FRAS1: variants seen among roughly 807,000 people sequenced by gnomAD.
FRAS1 encodes the protein extracellular matrix organizing protein FRAS1.
A neutral mutation model predicts 435.2 loss-of-function variants in FRAS1; 290 were observed. The observed-to-expected ratio is 0.67, with a 90% CI of 0.61 to 0.73. The LOEUF is 0.73. FRAS1 is among the 30% of genes least tolerant of loss of function. The probability of loss-of-function intolerance (pLI) is 0.00; values close to 1 mark genes in which losing one functional copy is unlikely to be tolerated. For synonymous variants in FRAS1, 1,800 were observed against 1,851.0 expected (o/e 0.97, Z 0.71); for missense variants, 4,860 against 5,001.5 (o/e 0.97, Z 0.85).
chr4:78,269,590 T>C (rs1454126512), intron 9 of FRAS1, among the ~76,000 whole-genome samples: 2 of 152,340 alleles, frequency 1.3e-5, no homozygotes, highest in East Asian at 3.9e-4. Flanking sequence ...ATGTTCTGAA[T>C]AGCATTAAAA....
At chr4:78,128,927 T>C (rs1719529477) in intron 2 of FRAS1, among the ~76,000 whole-genome samples, 2 of 152,212 alleles carry the variant, frequency 1.3e-5, no homozygotes, top group South Asian at 4.1e-4. Context: ...GAATTAATTT[T>C]TGTATAAGGT....
intron 19 of FRAS1, among the ~76,000 whole-genome samples, chr4:78,334,883 C>A (rs1173498350): frequency 6.6e-6 from 1 of 151,948 alleles, no homozygotes; most frequent in East Asian, 1.9e-4. Flanking sequence ...CTTAGCCTCT[C>A]AAGTAGCTGG....
chr4:78,067,712 T>TTATTATTA (rs1740115400), intron 2 of FRAS1, among the ~76,000 whole-genome samples: 1 of 137,904 alleles, frequency 7.3e-6, no homozygotes, highest in East Asian at 2.1e-4. Context: ...ATTATTATTA[T>TTATTATTA]TTGTAAGATA....
At chr4:78,417,102 T>C (rs1397994321) in intron 32 of FRAS1, among the ~76,000 whole-genome samples, 4 of 152,232 alleles carry the variant, frequency 2.6e-5, no homozygotes, top group Non-Finnish European at 5.9e-5. Flanking sequence ...AATATTAAAA[T>C]TGATTATACT....
rs778411305 is a variant in FRAS1, at chr4:78,519,424, G to A, written c.10483G>A (p.Glu3495Lys). The change falls in exon 67 of 74, where the codon GAG (glutamate) becomes AAG (lysine). Residue 3495 changes from glutamate (E) to lysine (K), a missense_variant. Glu to Lys is a moderately conservative substitution (Grantham distance 56). Transcript: ENST00000512123. ...AGCCCCCAGGGGCTGGGCCTCCTTGGAGCACCACACCGAGATGGAGTTTTC... is the reference window on the plus strand; with the variant it reads ...AGCCCCCAGGGGCTGGGCCTCCTTGAAGCACCACACCGAGATGGAGTTTTC... The part of the protein sequence containing the change: ...VTAPRGWASL[E>K]HHTEMEFSFF... 6.2e-7 allele frequency: 1 copy of A among 1,611,326 alleles called. No homozygotes were observed. The highest frequency in any genetic ancestry group is 2.2e-5 in the East Asian group (1 of 44,726).
intron 20 of FRAS1, among the ~76,000 whole-genome samples, chr4:78,347,886 C>T (rs1411021851): frequency 6.6e-6 from 1 of 151,348 alleles, no homozygotes; most frequent in African/African-American, 2.4e-5. Flanking sequence ...GCCTCATACT[C>T]AGCTGACTTG....
chr4:78,060,510 T>C (rs1320387029), intron 1 of FRAS1, among the ~76,000 whole-genome samples: 1 of 152,208 alleles, frequency 6.6e-6, no homozygotes, highest in Non-Finnish European at 1.5e-5. Context: ...AGCTGTGTGC[T>C]TATTGAGGGG....
chr4:78,450,209 C>A lies in FRAS1; in HGVS notation c.6333C>A (p.Asp2111Glu). Residue 2111 changes from aspartate to glutamate, a missense_variant, in exon 45 of 74, where the codon GAC (aspartate) becomes GAA (glutamate). Transcript: ENST00000512123. ...HLKVTDIDSD[D>E]HQVMYIMKED... ...AAGTGACAGATATTGACTCAGATGA[C>A]CATCAGGTTATGTACATCATGAAGG... 1 of 1,613,654 alleles carries A rather than the reference C, an allele frequency of 6.2e-7. No individual in the cohort carries two copies. The highest frequency in any genetic ancestry group is 1.1e-5 in the South Asian group (1 of 91,070).
chr4:78,193,738 G>T (rs1722661925), intron 2 of FRAS1, among the ~76,000 whole-genome samples: 1 of 152,168 alleles, frequency 6.6e-6, no homozygotes, highest in African/African-American at 2.4e-5. Flanking sequence ...TTGCCAGTCT[G>T]TGTCTTTTAA....
chr4:78,285,309 G>A (rs763896697), intron 13 of FRAS1, among the ~76,000 whole-genome samples: 2 of 149,492 alleles, frequency 1.3e-5, no homozygotes, highest in African/African-American at 4.9e-5. Flanking sequence ...GCAGTGAGCC[G>A]AGATTGTGCC....
chr4:78,424,637 T>C (rs1272209660), intron 35 of FRAS1, among the ~76,000 whole-genome samples: 1 of 152,120 alleles, frequency 6.6e-6, no homozygotes, highest in African/African-American at 2.4e-5. Flanking sequence ...AATCTACCAA[T>C]GATGCTAAAA....
At chr4:78,308,704 A>G (rs2110221279) in intron 15 of FRAS1, among the ~76,000 whole-genome samples, 1 of 152,372 alleles carries the variant, frequency 6.6e-6, no homozygotes, top group Middle Eastern at 3.4e-3. Flanking sequence ...AATGAGAGTT[A>G]ACCCAGCTTA....
intron 2 of FRAS1, among the ~76,000 whole-genome samples, chr4:78,151,143 A>T (rs1463383157): frequency 6.6e-6 from 1 of 152,206 alleles, no homozygotes; most frequent in African/African-American, 2.4e-5. Flanking sequence ...AACTAAAGAT[A>T]TACCGTGCTC....
At chr4:78,312,849 G>GAA in intron 15 of FRAS1, among the ~76,000 whole-genome samples, 2 of 75,106 alleles carry the variant, frequency 2.7e-5, no homozygotes, top group Non-Finnish European at 5.3e-5. Context: ...GAAAAAGAAA[G>GAA]AAAGAAAGAA....
chr4:78,472,070 G>A (rs977787914), intron 51 of FRAS1, 110 bp from the exon 52 acceptor site: 9 of 1,147,026 alleles, frequency 7.8e-6, no homozygotes, highest in Non-Finnish European at 1.2e-5. Context: ...TTTCCATGCA[G>A]TAAATACACT....
intron 52 of FRAS1, among the ~76,000 whole-genome samples, chr4:78,472,925 A>C: frequency 6.6e-6 from 1 of 151,794 alleles, no homozygotes; most frequent in Admixed American, 6.6e-5. Flanking sequence ...TTTTCTTTTT[A>C]CTCTCTGTCC....
intron 6 of FRAS1, among the ~76,000 whole-genome samples, chr4:78,262,228 C>G (rs532935621): frequency 6.6e-6 from 1 of 152,338 alleles, no homozygotes; most frequent in South Asian, 2.1e-4. Flanking sequence ...CCATGTCTCT[C>G]TCTGACTGTG....
intron 7 of FRAS1, 138 bp from the exon 8 acceptor site, chr4:78,266,695 TG>T (rs892361474): frequency 1.5e-6 from 1 of 669,998 alleles, no homozygotes; most frequent in African/African-American, 1.8e-5. Flanking sequence ...CCTATCTAAA[TG>T]TTTTCATTTC....
intron 14 of FRAS1, among the ~76,000 whole-genome samples, chr4:78,300,807 C>A (rs1308101115): frequency 2.0e-5 from 3 of 152,054 alleles, no homozygotes; most frequent in African/African-American, 7.2e-5. Flanking sequence ...GCCACAGGGG[C>A]AGCCCTCAGT....
Sources: allele counts gnomAD v4.1 joint callset (sites outside exome capture counted in the v4.1 genomes callset), GRCh38; gene constraint gnomAD v4.1.1; transcripts MANE v1.5; gene names NCBI Gene and HGNC (gene_info 2026-07-23, HGNC 2026-07-21).